Variants in RALB observed in about 807,000 individuals in gnomAD.
RALB encodes the protein RAS like proto-oncogene B, also known as ras-related protein Ral-B.
RALB carries 16 observed loss-of-function variants against 21.3 expected under a neutral mutation model. The ratio of observed to expected loss-of-function variants is 0.75; its 90% CI spans 0.51 to 1.14. RALB has a LOEUF of 1.14. Ranked by LOEUF, RALB falls within the 50% of genes most tolerant of loss-of-function variation. RALB has a pLI of 0.00. For synonymous variants in RALB, 93 were observed against 96.1 expected (o/e 0.97, Z 0.19); for missense variants, 161 against 256.2 (o/e 0.63, Z 2.54).
chr2:120,268,164 C>G (rs1034257283), intron 1 of RALB, among the ~76,000 whole-genome samples: 1 of 152,216 alleles, frequency 6.6e-6, no homozygotes, highest in South Asian at 2.1e-4. Context: ...AAATTGGCAT[C>G]TCTGCTTTTG....
chr2:120,259,706 G>A (rs1449342294), intron 1 of RALB, among the ~76,000 whole-genome samples: 6 of 152,250 alleles, frequency 3.9e-5, no homozygotes, highest in African/African-American at 9.6e-5. Context: ...ATCCCGCACC[G>A]GGGCTGCAGG....
At chr2:120,251,213 T>C (rs936916695), upstream of RALB, among the ~76,000 whole-genome samples, 1 of 152,190 alleles carries the variant, frequency 6.6e-6, no homozygotes, top group African/African-American at 2.4e-5. Context: ...CTCTCTATAC[T>C]TGCATTTGAC....
intron 1 of RALB, among the ~76,000 whole-genome samples, chr2:120,277,214 T>C (rs894980606): frequency 4.6e-5 from 7 of 152,158 alleles, no homozygotes; most frequent in African/African-American, 1.7e-4. Flanking sequence ...TGTGGGGCTG[T>C]GTAAGAGTGT....
At chr2:120,286,838 T>A (rs1690172253) in intron 3 of RALB, among the ~76,000 whole-genome samples, 1 of 152,330 alleles carries the variant, frequency 6.6e-6, no homozygotes, top group South Asian at 2.1e-4. Context: ...ATGGCAACTA[T>A]TCTCCATGAA....
upstream of RALB, chr2:120,252,660 C>T (rs1374043129): frequency 2.2e-6 from 1 of 461,236 alleles, no homozygotes; most frequent in Non-Finnish European, 2.9e-6. Context: ...GGCCCGCCCC[C>T]CCGTGCCTGG....
chr2:120,244,756 TTCACAGATATGACC>T (rs1688944241), intron 1 of RALB, among the ~76,000 whole-genome samples: 1 of 152,160 alleles, frequency 6.6e-6, no homozygotes, highest in Non-Finnish European at 1.5e-5. Flanking sequence ...ATGAAAAGAA[TTCACAGATATGACC>T]TCTGGTTAGC....
At chr2:120,264,006 G>A (rs890155721) in intron 1 of RALB, among the ~76,000 whole-genome samples, 12 of 147,898 alleles carry the variant, frequency 8.1e-5, no homozygotes, top group African/African-American at 7.6e-5. Flanking sequence ...ACGCCACCAC[G>A]CCCGGCTAAT....
At position 120,294,536 on chromosome 2, in the gene RALB, A is replaced by G. The variant is rs1471311964; in HGVS notation, c.*1276A>G. The G allele has an allele frequency of 1.5e-5, 5 of 326,696 alleles. No individual in the cohort carries two copies. Among genetic ancestry groups the G allele is most frequent in the Non-Finnish European group, 2.7e-5 (5 of 182,052 alleles). 20.2% of individuals were successfully genotyped at this position (326,696 alleles called of 1,614,324 possible). ...TCACATTTTTTCCCCATTTTTCAGAAGCGACATTTCATATATAGGTGCCAA... is the reference window on the plus strand; with the variant it reads ...TCACATTTTTTCCCCATTTTTCAGAGGCGACATTTCATATATAGGTGCCAA... On this transcript the variant is annotated 3_prime_UTR_variant, in exon 5 of 5. Transcript: ENST00000272519.
chr2:120,284,322 T>A (rs542512334), intron 2 of RALB, among the ~76,000 whole-genome samples: 4 of 152,342 alleles, frequency 2.6e-5, no homozygotes, highest in Admixed American at 2.0e-4. Flanking sequence ...TTCAATTCCA[T>A]TTTTAAGTTA....
upstream of RALB, among the ~76,000 whole-genome samples, chr2:120,250,447 A>G (rs1255970703): frequency 2.0e-5 from 3 of 152,200 alleles, no homozygotes; most frequent in Admixed American, 1.3e-4. Context: ...TTCTGCTCAC[A>G]AGTGATCGGT....
rs188069411 is a variant in RALB, at chr2:120,280,506, C to T, written c.114+1728C>T. Among the ~76,000 whole-genome samples the T allele has an allele frequency of 8.6e-5, 12 of 140,330 alleles. No homozygotes were observed. The East Asian group carries it at 1.4e-3, about 17-fold the overall frequency. The allele number at this position is 140,330 out of a possible 152,430, so 92.1% of individuals were successfully genotyped here. On this transcript the variant is annotated intron_variant, in intron 2 of 4. Coordinates refer to ENST00000272519, the MANE Select transcript of RALB (RefSeq NM_002881.3). ...ATAAGTGGGAGTTGAACAATGAGAA[C>T]GCATGGACACAGGGAGGGGAACATC...
chr2:120,248,341 G>C (rs1689003495), upstream of RALB, among the ~76,000 whole-genome samples: 2 of 152,108 alleles, frequency 1.3e-5, no homozygotes, highest in Non-Finnish European at 2.9e-5. Flanking sequence ...TGATGTTCTG[G>C]GAAATCCATA....
At position 120,289,686 on chromosome 2, in the gene RALB, A is replaced by G. The variant is rs1387220448; in HGVS notation, c.430A>G (p.Arg144Gly). 1 of 1,614,092 alleles carries G rather than the reference A, an allele frequency of 6.2e-7. No homozygotes were observed. ...ERRQVPVEEA[R>G]SKAEEWGVQY... is the part of the protein sequence containing the mutation. ...GAGGCAGGTGCCTGTGGAGGAGGCC[A>G]GGAGTAAAGCCGAAGAGTGGGGCGT... The change falls in exon 4 of 5, where the codon AGG becomes GGG. Residue 144 changes from arginine to glycine, a missense_variant. Coordinates refer to ENST00000272519, the MANE Select transcript of RALB (RefSeq NM_002881.3).
Position 120,272,104 on chromosome 2 carries a change from T to C in RALB, c.-47-6514T>C, listed in dbSNP as rs1192362811. Among the ~76,000 whole-genome samples, 6 of 152,232 alleles carry C rather than the reference T, an allele frequency of 3.9e-5. No homozygotes were observed. In the East Asian group the frequency reaches 9.7e-4, roughly 25 times the overall value. ...GGAAGTCTGAGACAGGGCACCAGCA[T>C]GGTTGGGTTCTGGTGAGGGCTCCCT... is the stretch of plus-strand genomic sequence containing the variant. On this transcript the variant is annotated intron_variant, in intron 1 of 4. Transcript: ENST00000272519.
intron 1 of RALB, among the ~76,000 whole-genome samples, chr2:120,275,060 T>C (rs1689754548): frequency 6.6e-6 from 1 of 152,202 alleles, no homozygotes; most frequent in African/African-American, 2.4e-5. Context: ...TGTTACTTTA[T>C]TGGCTTTAGA....
intron 4 of RALB, among the ~76,000 whole-genome samples, chr2:120,291,724 G>A (rs1045982104): frequency 2.6e-5 from 4 of 152,164 alleles, no homozygotes; most frequent in Non-Finnish European, 5.9e-5. Flanking sequence ...AGACAAACCT[G>A]TAGCATTTGA....
At chr2:120,260,512 A>G (rs951321108) in intron 1 of RALB, among the ~76,000 whole-genome samples, 16 of 152,234 alleles carry the variant, frequency 1.1e-4, no homozygotes, top group African/African-American at 4.8e-5. Context: ...AGTTGTCTGT[A>G]CAGCCACTGG....
At chr2:120,287,521 A>T (rs1387787429) in intron 3 of RALB, among the ~76,000 whole-genome samples, 2 of 152,228 alleles carry the variant, frequency 1.3e-5, no homozygotes, top group African/African-American at 4.8e-5. Context: ...AACAGGACAG[A>T]TGCACACACT....
At chr2:120,265,271 G>A (rs945235032) in intron 1 of RALB, among the ~76,000 whole-genome samples, 76 of 152,202 alleles carry the variant, frequency 5.0e-4, no homozygotes, top group African/African-American at 1.7e-3. Context: ...AAATCTGCAC[G>A]TCATGTTACT....
Sources: allele counts gnomAD v4.1 joint callset (sites outside exome capture counted in the v4.1 genomes callset), GRCh38; gene constraint gnomAD v4.1.1; transcripts MANE v1.5; gene names NCBI Gene and HGNC (gene_info 2026-07-23, HGNC 2026-07-21).